The following PRKCA variants were observed in gnomAD, a reference collection of about 807,000 sequenced individuals.
PRKCA encodes protein kinase C alpha type.
A neutral mutation model predicts 87.0 loss-of-function variants in PRKCA; 27 were observed. The ratio of observed to expected loss-of-function variants is 0.31; its 90% CI spans 0.23 to 0.43. The LOEUF (loss-of-function observed/expected upper bound fraction) is 0.43, where lower values mean the gene tolerates loss of function less well. Among genes scored for constraint, PRKCA ranks in the 20% least tolerant of loss-of-function variants. The pLI is 1.00. For synonymous variants in PRKCA, 329 were observed against 311.1 expected (o/e 1.06, Z -0.61); for missense variants, 518 against 852.3 (o/e 0.61, Z 4.88).
intron 3 of PRKCA, among the ~76,000 whole-genome samples, chr17:66,549,653 C>T (rs1968265718): frequency 6.6e-6 from 1 of 152,130 alleles, no homozygotes; most frequent in Non-Finnish European, 1.5e-5. Flanking sequence ...GGTGGTGGTT[C>T]TAACCCAAAT....
chr17:66,694,652 G>C (rs576680686), intron 8 of PRKCA, among the ~76,000 whole-genome samples: 8 of 150,620 alleles, frequency 5.3e-5, no homozygotes, highest in Non-Finnish European at 8.8e-5. Context: ...TGAAGGTCCA[G>C]TACTTTTGTT....
intron 9 of PRKCA, among the ~76,000 whole-genome samples, chr17:66,733,445 A>G (rs1170292889): frequency 6.6e-6 from 1 of 152,156 alleles, no homozygotes; most frequent in African/African-American, 2.4e-5. Context: ...GGATGAACAT[A>G]TATGTAACAT....
At chr17:66,505,015 A>G (rs1485137519) in intron 3 of PRKCA, among the ~76,000 whole-genome samples, 1 of 152,104 alleles carries the variant, frequency 6.6e-6, no homozygotes, top group Admixed American at 6.5e-5. Flanking sequence ...GCCCGCAGAT[A>G]CCCTTCTTCA....
At chr17:66,765,558 A>G (rs914341182) in intron 13 of PRKCA, among the ~76,000 whole-genome samples, 1 of 142,764 alleles carries the variant, frequency 7.0e-6, no homozygotes, top group African/African-American at 2.6e-5. Context: ...ATATGTCTTT[A>G]TATATATATA....
chr17:66,501,350 T>C (rs1916721185), intron 3 of PRKCA, among the ~76,000 whole-genome samples: 1 of 152,146 alleles, frequency 6.6e-6, no homozygotes. Context: ...TTCTCAAGGG[T>C]CCTCTGCCCC....
chr17:66,425,058 A>G (rs1162247689), intron 2 of PRKCA, among the ~76,000 whole-genome samples: 1 of 152,066 alleles, frequency 6.6e-6, no homozygotes, highest in Admixed American at 6.6e-5. Context: ...CACCGTGCCC[A>G]GCCTGTATAC....
chr17:66,637,121 T>C (rs1006841), intron 3 of PRKCA, among the ~76,000 whole-genome samples: 81,714 of 151,982 alleles, frequency 0.54, 22,134 homozygotes, highest in African/African-American at 0.59. Flanking sequence ...AACCTGAAGG[T>C]GCCATATGGC....
chr17:66,649,575 G>T (rs991213538), intron 5 of PRKCA, among the ~76,000 whole-genome samples: 2 of 152,184 alleles, frequency 1.3e-5, no homozygotes, highest in African/African-American at 4.8e-5. Context: ...CCGCAGCCCG[G>T]GCCTGGCTTC....
At chr17:66,465,193 A>G (rs1348323773) in intron 2 of PRKCA, among the ~76,000 whole-genome samples, 1 of 152,156 alleles carries the variant, frequency 6.6e-6, no homozygotes, top group East Asian at 1.9e-4. Flanking sequence ...GGAAGGACTA[A>G]TCCTTTAATT....
At chr17:66,471,072 C>T (rs6504433) in intron 2 of PRKCA, among the ~76,000 whole-genome samples, 9,613 of 150,580 alleles carry the variant, frequency 0.064, 1,010 homozygotes, top group African/African-American at 0.22. Flanking sequence ...CATGAGAATA[C>T]ATACAAGAGC....
chr17:66,422,696 C>T (rs1226467483), intron 2 of PRKCA, among the ~76,000 whole-genome samples: 4 of 152,148 alleles, frequency 2.6e-5, no homozygotes, highest in Non-Finnish European at 4.4e-5. Context: ...ATAAGAGAGC[C>T]CGTGTCAAAC....
chr17:66,303,503 T>TG (rs5821532), intron 1 of PRKCA, among the ~76,000 whole-genome samples: 140,507 of 151,542 alleles, frequency 0.93, 65,357 homozygotes, highest in East Asian at 1. Flanking sequence ...GCGTTCGGGG[T>TG]GGGGGGGTTG....
intron 2 of PRKCA, among the ~76,000 whole-genome samples, chr17:66,494,524 C>T (rs1191649599): frequency 1.3e-5 from 2 of 152,186 alleles, no homozygotes; most frequent in Non-Finnish European, 2.9e-5. Context: ...GCAAAGCCCT[C>T]ATGGTGGAGT....
rs1910829649 is a variant in PRKCA, at chr17:66,398,698, G to A, written c.205+92571G>A. ...CAGAAAGGAAGAGTCGGAAGCATAT[G>A]TAATTAATGAACGAGAAAGGCAGAT... On this transcript the variant is annotated intron_variant, in intron 2 of 16. Coordinates refer to ENST00000413366, the MANE Select transcript of PRKCA (RefSeq NM_002737.3). 1.3e-5 allele frequency among the ~76,000 whole-genome samples: 2 copies of A among 152,170 alleles called. 1 individual carries two copies. Among genetic ancestry groups the A allele is most frequent in the South Asian group, 4.2e-4 (2 of 4,808 alleles).
chr17:66,445,290 G>A (rs1913975116), intron 2 of PRKCA, among the ~76,000 whole-genome samples: 2 of 152,220 alleles, frequency 1.3e-5, no homozygotes. Flanking sequence ...GCAAGCAAAT[G>A]AGAGTGAAAA....
rs184964229 is a variant in PRKCA, at chr17:66,604,484, G to A, written c.289-36871G>A. On this transcript the variant is annotated intron_variant, in intron 3 of 16. Transcript: ENST00000413366. ...AGGTTTTCTCTAGTCCCTTTGGTAG[G>A]TGGAAACCAAGTGCTGGATGAAATT... Among the ~76,000 whole-genome samples the A allele has an allele frequency of 2.2e-4, 34 of 152,308 alleles. 1 individual carries two copies. Among genetic ancestry groups the A allele is most frequent in the Admixed American group, 9.2e-4 (14 of 15,296 alleles).
intron 4 of PRKCA, 46 bp from the exon 5 acceptor site, chr17:66,645,337 T>C (rs753519028): frequency 1.9e-6 from 3 of 1,612,738 alleles, no homozygotes; most frequent in East Asian, 2.2e-5. Context: ...GGAGCGGTGG[T>C]TGGAGTCCAT....
chr17:66,742,901 A>G, intron 13 of PRKCA, 141 bp downstream of exon 13: 2 of 930,520 alleles, frequency 2.1e-6, no homozygotes, highest in Non-Finnish European at 3.1e-6. Flanking sequence ...GACAAAACAG[A>G]CTAAAATAGA....
At chr17:66,336,014 G>A (rs1906642595) in intron 2 of PRKCA, among the ~76,000 whole-genome samples, 1 of 152,068 alleles carries the variant, frequency 6.6e-6, no homozygotes, top group Admixed American at 6.6e-5. Context: ...GACACCATGT[G>A]TTATCTTTAA....
Sources: gnomAD v4.1 joint callset for allele counts (sites outside exome capture counted in the v4.1 genomes callset) on GRCh38, gnomAD v4.1.1 for gene constraint, MANE v1.5 for transcripts, NCBI Gene and HGNC (gene_info 2026-07-23, HGNC 2026-07-21) for gene names.